The following PCDHA1 variants were observed in gnomAD, a reference collection of about 807,000 sequenced individuals.
The protein encoded by PCDHA1 is protocadherin alpha-1.
Under a neutral mutation model 61.3 loss-of-function variants are expected in PCDHA1, and 42 were observed. That is an observed-to-expected ratio of 0.69 (90% CI 0.54 to 0.89). PCDHA1 has a LOEUF of 0.89. Ranked by LOEUF, PCDHA1 falls within the 40% of genes least tolerant of loss-of-function variation. PCDHA1 has a pLI of 0.00. For missense variants in PCDHA1, 1,256 were observed against 1,235.3 expected (o/e 1.02, Z -0.25); for synonymous variants, 610 against 553.8 (o/e 1.10, Z -1.43).
chr5:140,891,782 T>C (rs574840881), intron 1 of PCDHA1, among the ~76,000 whole-genome samples: 1 of 152,284 alleles, frequency 6.6e-6, no homozygotes, highest in African/African-American at 2.4e-5. Flanking sequence ...AGGAAATGTT[T>C]AGATTATGAG....
Position 140,914,249 on chromosome 5 carries a change from G to T in PCDHA1, c.2395-64700G>T, listed in dbSNP as rs186578589. 2.8e-3 allele frequency among the ~76,000 whole-genome samples: 422 copies of T among 152,092 alleles called. 2 individuals carry two copies. Among genetic ancestry groups the T allele is most frequent in the Middle Eastern group, 0.014 (4 of 294 alleles). ...AATACTATTTGCTTTTTATATCTGG[G>T]TGCTTCAATGGTGGGTGCATATATA... is the stretch of plus-strand genomic sequence containing the variant. On this transcript the variant is annotated intron_variant, in intron 1 of 3. Coordinates refer to ENST00000504120, the MANE Select transcript of PCDHA1 (RefSeq NM_018900.4).
intron 1 of PCDHA1, chr5:140,812,673 G>C (rs1219098987): frequency 6.6e-6 from 1 of 152,072 alleles, no homozygotes. Context: ...ATGTACAGAG[G>C]CACGATCATA....
intron 1 of PCDHA1, chr5:140,830,369 T>C: frequency 6.2e-7 from 1 of 1,614,088 alleles, no homozygotes; most frequent in African/African-American, 1.3e-5. Context: ...GAGGGTGTGC[T>C]CCGGGGAGGG....
At chr5:140,909,983 C>T (rs2074810620) in intron 1 of PCDHA1, among the ~76,000 whole-genome samples, 1 of 152,214 alleles carries the variant, frequency 6.6e-6, no homozygotes, top group Non-Finnish European at 1.5e-5. Context: ...GGGAGAAAGA[C>T]TAACAGCATA....
chr5:141,000,421 A>ATTTTTTTT (rs34755515), intron 3 of PCDHA1, among the ~76,000 whole-genome samples: 2 of 27,968 alleles, frequency 7.2e-5, no homozygotes, highest in Admixed American at 6.5e-4. Context: ...ATATATATAT[A>ATTTTTTTT]TTTTTTTTTT....
chr5:140,859,825 T>A (rs752840072), intron 1 of PCDHA1: 18 of 152,366 alleles, frequency 1.2e-4, no homozygotes, highest in Non-Finnish European at 2.3e-4. Context: ...AGTTTAGAAG[T>A]GTATTTGTTA....
At chr5:140,830,022 G>A in intron 1 of PCDHA1, 2 of 1,613,860 alleles carry the variant, frequency 1.2e-6, no homozygotes, top group Non-Finnish European at 8.5e-7. Flanking sequence ...GACTCTCCGC[G>A]CCACCGGCTG....
chr5:140,797,613 A>C, intron 1 of PCDHA1: 1 of 493,646 alleles, frequency 2.0e-6, no homozygotes, highest in South Asian at 3.5e-5. Context: ...ACACTGAAAA[A>C]CACCTCAGCA....
intron 1 of PCDHA1, chr5:140,877,206 C>G (rs782807049): frequency 6.2e-7 from 1 of 1,613,768 alleles, no homozygotes; most frequent in South Asian, 1.1e-5. Context: ...GCGCAGTTAG[C>G]GAGTTGGTAC....
At chr5:140,796,959 G>A (rs1762162789) in intron 1 of PCDHA1, 1 of 1,613,758 alleles carries the variant, frequency 6.2e-7, no homozygotes, top group Admixed American at 1.7e-5. Context: ...CGGCCACCGT[G>A]TTAGTGTCGT....
chr5:140,850,840 C>A (rs2150500104), intron 1 of PCDHA1: 2 of 1,597,492 alleles, frequency 1.3e-6, no homozygotes, highest in Non-Finnish European at 1.7e-6. Context: ...TGTGCTGGAT[C>A]TACAGAGCGA....
At chr5:140,855,486 GTC>G (rs2150336982) in intron 1 of PCDHA1, among the ~76,000 whole-genome samples, 1 of 149,948 alleles carries the variant, frequency 6.7e-6, no homozygotes, top group South Asian at 2.1e-4. Context: ...TGACATTAGT[GTC>G]TAAATAAACC....
intron 1 of PCDHA1, chr5:140,795,020 T>C: frequency 6.2e-7 from 1 of 1,613,814 alleles, no homozygotes; most frequent in Non-Finnish European, 8.5e-7. Flanking sequence ...CTCTCGCTTC[T>C]GCTCCTCGCA....
intron 1 of PCDHA1, chr5:140,853,957 G>T: frequency 2.7e-6 from 2 of 736,982 alleles, no homozygotes; most frequent in Non-Finnish European, 3.4e-6. Context: ...TCCCTTCCTT[G>T]AGCCCAGCAG....
intron 1 of PCDHA1, chr5:140,870,528 A>G (rs556976390): frequency 3.1e-6 from 5 of 1,614,214 alleles, no homozygotes; most frequent in African/African-American, 2.7e-5. Context: ...ACATCTTCAC[A>G]GTGTCGGCGC....
At chr5:140,838,136 CAG>C (rs1270820690) in intron 1 of PCDHA1, among the ~76,000 whole-genome samples, 9 of 126,910 alleles carry the variant, frequency 7.1e-5, no homozygotes, top group East Asian at 2.4e-4. Flanking sequence ...GTGTGTTTGA[CAG>C]AGTTTTACTC....
chr5:140,941,260 T>TCTTTCTTTCTTC (rs2092990214), intron 1 of PCDHA1, among the ~76,000 whole-genome samples: 2 of 138,280 alleles, frequency 1.4e-5, no homozygotes, highest in Admixed American at 1.5e-4. Flanking sequence ...TCTTTCTCTT[T>TCTTTCTTTCTTC]CTTTCTTTCT....
At chr5:140,829,788 T>C in intron 1 of PCDHA1, 2 of 1,613,804 alleles carry the variant, frequency 1.2e-6, no homozygotes, top group Non-Finnish European at 8.5e-7. Flanking sequence ...CCGGCGCTGC[T>C]GGCGCCTCGG....
At chr5:140,851,465 C>A in intron 1 of PCDHA1, 1 of 894,660 alleles carries the variant, frequency 1.1e-6, no homozygotes, top group Non-Finnish European at 1.4e-6. Flanking sequence ...CAAATTATGT[C>A]AATAAATGTT....
Sources: allele counts gnomAD v4.1 joint callset (sites outside exome capture counted in the v4.1 genomes callset), GRCh38; gene constraint gnomAD v4.1.1; transcripts MANE v1.5; gene names NCBI Gene and HGNC (gene_info 2026-07-23, HGNC 2026-07-21).